The following CFAP54 variants were observed in gnomAD, a reference collection of about 807,000 sequenced individuals.
CFAP54 encodes the protein cilia and flagella associated protein 54.
In CFAP54, 290 loss-of-function variants were observed where a neutral mutation model predicts 370.4. That is an observed-to-expected ratio of 0.78 (90% confidence interval 0.71 to 0.86). CFAP54 has a LOEUF of 0.86. CFAP54 is among the 40% of genes least tolerant of loss of function. CFAP54 has a pLI of 0.00. For synonymous variants in CFAP54, 1,206 were observed against 1,236.5 expected (o/e 0.98, Z 0.52); for missense variants, 3,399 against 3,528.7 (o/e 0.96, Z 0.93).
intron 36 of CFAP54, among the ~76,000 whole-genome samples, chr12:96,655,229 G>A (rs1353308455): frequency 6.6e-6 from 1 of 150,578 alleles, no homozygotes; most frequent in Non-Finnish European, 1.5e-5. Flanking sequence ...CAGTTCAGAG[G>A]TTTCAAAAAG....
intron 36 of CFAP54, among the ~76,000 whole-genome samples, chr12:96,652,061 C>A (rs773276323): frequency 6.6e-6 from 1 of 152,264 alleles, no homozygotes; most frequent in South Asian, 2.1e-4. Context: ...CCAGCCCCTA[C>A]ATAAATTTGC....
chr12:96,611,325 T>C (rs1956355949), intron 26 of CFAP54, among the ~76,000 whole-genome samples: 1 of 152,056 alleles, frequency 6.6e-6, no homozygotes, highest in Admixed American at 6.6e-5. Flanking sequence ...CAGCTGAGGG[T>C]CCTGACTGTT....
chr12:96,571,417 T>C lies in CFAP54; in HGVS notation c.2620-5168T>C, dbSNP rs533213181. On this transcript the variant is annotated intron_variant, in intron 19 of 67. Transcript: ENST00000524981. ...GTGGGCAAGTCCCTTTCCATCGAGATTTCTTGGCTGAGTCCCCGTGATAGG... is the reference window on the plus strand; with the variant it reads ...GTGGGCAAGTCCCTTTCCATCGAGACTTCTTGGCTGAGTCCCCGTGATAGG... Among the ~76,000 whole-genome samples the C allele has an allele frequency of 9.2e-5, 14 of 152,310 alleles. No individual in the cohort carries two copies. In the East Asian group the frequency reaches 2.7e-3, roughly 29 times the overall value.
intron 6 of CFAP54, 31 bp downstream of exon 6, chr12:96,519,102 G>GTTTTTT: frequency 7.5e-7 from 1 of 1,338,692 alleles, no homozygotes; most frequent in Non-Finnish European, 9.9e-7. Context: ...GAGGAGTCGA[G>GTTTTTT]TTTTTTTTTT....
chr12:96,721,497 G>A (rs1440721573), intron 50 of CFAP54, among the ~76,000 whole-genome samples: 1 of 152,182 alleles, frequency 6.6e-6, no homozygotes, highest in East Asian at 1.9e-4. Flanking sequence ...CAGTCAGGTA[G>A]AGTAGTAAAA....
chr12:96,679,391 CT>C (rs200480679), intron 39 of CFAP54, among the ~76,000 whole-genome samples: 308 of 137,500 alleles, frequency 2.2e-3, no homozygotes, highest in Non-Finnish European at 2.4e-3. Flanking sequence ...GTTTTCCAAG[CT>C]TTTTTTTTTT....
rs1957358891 is a variant in CFAP54 at position 96,688,992 on chromosome 12, T to C, written c.6081+10T>C. On this transcript the variant is annotated intron_variant, in intron 43 of 67. Transcript: ENST00000524981. ...TGCGTTACTCTTTCAGGTAACACTC[T>C]ATGTATGTATGTTTTTCCATTGTAG... 6.7e-7 allele frequency: 1 copy of C among 1,493,068 alleles called. No homozygotes were observed. Among genetic ancestry groups the C allele is most frequent in the Non-Finnish European group, 9.0e-7 (1 of 1,114,582 alleles). 92.5% of individuals were successfully genotyped at this position (1,493,068 alleles called of 1,614,324 possible).
intron 47 of CFAP54, 97 bp from the exon 48 acceptor site, chr12:96,708,511 C>A: frequency 9.5e-7 from 1 of 1,054,218 alleles, no homozygotes; most frequent in Non-Finnish European, 1.4e-6. Context: ...TATATCCCTT[C>A]ATCCAACACC....
At chr12:96,814,542 G>A (rs972852733) in intron 64 of CFAP54, among the ~76,000 whole-genome samples, 3 of 152,118 alleles carry the variant, frequency 2.0e-5, no homozygotes, top group Admixed American at 6.5e-5. Context: ...ATGACCTATT[G>A]TTTTTTAAGT....
chr12:96,700,192 G>T, intron 46 of CFAP54, 99 bp downstream of exon 46: 1 of 1,310,824 alleles, frequency 7.6e-7, no homozygotes, highest in Non-Finnish European at 1.1e-6. Flanking sequence ...TACAATCTCT[G>T]GTATTTTAGC....
rs1955108635 is a variant in CFAP54, at chr12:96,506,988, A to T, written c.628A>T (p.Asn210Tyr). 6 of 1,535,898 alleles carry T rather than the reference A, an allele frequency of 3.9e-6. No individual in the cohort carries two copies. Among genetic ancestry groups the T allele is most frequent in the Non-Finnish European group, 5.2e-6 (6 of 1,146,868 alleles). ...CCAGCTGGTCTGCGACAGTGATGAAAACCTGAAGAATAAAGAATCTGTGGT... is the reference window on the plus strand; with the variant it reads ...CCAGCTGGTCTGCGACAGTGATGAATACCTGAAGAATAAAGAATCTGTGGT... ...NYQLVCDSDENLKNKESVVQC... is the reference protein window; with the variant it reads ...NYQLVCDSDEYLKNKESVVQC... Residue 210 changes from asparagine to tyrosine, a missense_variant, in exon 4 of 68, where the codon AAC becomes TAC. Around this residue, in one of 3 missense-constraint regions of CFAP54, gnomAD observed 559 missense variants for 576.7 expected, o/e 0.97. Transcript: ENST00000524981.
chr12:96,832,030 G>A (rs1269305256), intron 66 of CFAP54, among the ~76,000 whole-genome samples: 1 of 152,130 alleles, frequency 6.6e-6, no homozygotes, highest in Non-Finnish European at 1.5e-5. Flanking sequence ...TGTTTCATGA[G>A]AGGAACCCAG....
At chr12:96,564,974 T>C (rs1592853409) in intron 19 of CFAP54, 1 of 310,002 alleles carries the variant, frequency 3.2e-6, no homozygotes, top group African/African-American at 2.1e-5. Context: ...TTATCAGAAC[T>C]TCATGCAATC....
chr12:96,542,299 A>G (rs1955585385), intron 14 of CFAP54, among the ~76,000 whole-genome samples: 1 of 152,156 alleles, frequency 6.6e-6, no homozygotes, highest in South Asian at 2.1e-4. Context: ...GCTCTGTCCT[A>G]CTTCAGCTAG....
chr12:96,802,693 G>A (rs2136714627), intron 63 of CFAP54, among the ~76,000 whole-genome samples: 1 of 152,190 alleles, frequency 6.6e-6, no homozygotes, highest in Non-Finnish European at 1.5e-5. Context: ...AGAACATGCA[G>A]GTTTGTTACA....
chr12:96,812,377 C>G (rs1958936348), intron 64 of CFAP54, among the ~76,000 whole-genome samples: 1 of 152,210 alleles, frequency 6.6e-6, no homozygotes, highest in African/African-American at 2.4e-5. Context: ...CCCTCTCCAT[C>G]AAACAGGTCA....
At chr12:96,870,007 T>C (rs796645351) in intron 67 of CFAP54, among the ~76,000 whole-genome samples, 11 of 151,630 alleles carry the variant, frequency 7.3e-5, no homozygotes, top group African/African-American at 1.9e-4. Flanking sequence ...CTCACGCCTT[T>C]AATCCCAGCA....
chr12:96,841,063 T>C (rs1202440348), intron 66 of CFAP54, among the ~76,000 whole-genome samples: 1 of 152,234 alleles, frequency 6.6e-6, no homozygotes, highest in Non-Finnish European at 1.5e-5. Flanking sequence ...GAAGCCTTTG[T>C]GTTATCCGTG....
chr12:96,677,283 A>T (rs1475311042), intron 39 of CFAP54, among the ~76,000 whole-genome samples: 1 of 151,972 alleles, frequency 6.6e-6, no homozygotes, highest in East Asian at 1.9e-4. Flanking sequence ...AAGTGCTGGG[A>T]TTACAGGCAT....
Sources: gnomAD v4.1 joint callset for allele counts (sites outside exome capture counted in the v4.1 genomes callset) on GRCh38, gnomAD v4.1.1 for gene constraint, gnomAD v4.1.1 regional missense constraint, MANE v1.5 for transcripts, NCBI Gene and HGNC (gene_info 2026-07-23, HGNC 2026-07-21) for gene names.